Variants in ADGRL3 observed in about 807,000 individuals in gnomAD.
ADGRL3 encodes adhesion G protein-coupled receptor L3, also known as calcium-independent alpha-latrotoxin receptor 3.
A neutral mutation model predicts 153.5 loss-of-function variants in ADGRL3; 62 were observed. The observed-to-expected ratio is 0.40, with a 90% CI of 0.33 to 0.50. The LOEUF (loss-of-function observed/expected upper bound fraction) is 0.50, where lower values mean the gene tolerates loss of function less well. ADGRL3 is among the 20% of genes least tolerant of loss of function. ADGRL3 has a pLI of 0.47. For missense variants in ADGRL3, 1,641 were observed against 1,859.4 expected, an observed-to-expected ratio of 0.88 and a Z score of 2.16; for synonymous variants, 710 against 672.5, an observed-to-expected ratio of 1.06 and a Z score of -0.86.
chr4:61,654,998 TTATC>T (rs1230492516), intron 5 of ADGRL3, among the ~76,000 whole-genome samples: 1 of 152,192 alleles, frequency 6.6e-6, no homozygotes, highest in Non-Finnish European at 1.5e-5. Context: ...GAGGAAATAA[TTATC>T]TAAGACTTAT....
chr4:61,447,135 A>C (rs1199968793), intron 2 of ADGRL3, among the ~76,000 whole-genome samples: 1 of 152,066 alleles, frequency 6.6e-6, no homozygotes, highest in East Asian at 1.9e-4. Context: ...CTGTTTTCTA[A>C]TCTTCTCATA....
intron 2 of ADGRL3, among the ~76,000 whole-genome samples, chr4:61,392,708 A>AAAAAAAAAAAAAAAAAAAAAAAAGT (rs1560565678): frequency 1.1e-5 from 1 of 92,740 alleles, no homozygotes; most frequent in Non-Finnish European, 2.4e-5. Context: ...AAAAAAAAAG[A>AAAAAAAAAAAAAAAAAAAAAAAAGT]AAAAGGAAAA....
At chr4:61,548,970 G>A (rs1300598722) in intron 4 of ADGRL3, among the ~76,000 whole-genome samples, 2 of 151,898 alleles carry the variant, frequency 1.3e-5, no homozygotes, top group Non-Finnish European at 2.9e-5. Flanking sequence ...TATCGATGAG[G>A]ATGGAGTGTT....
intron 6 of ADGRL3, among the ~76,000 whole-genome samples, chr4:61,700,014 A>G (rs138347048): frequency 6.6e-6 from 1 of 152,038 alleles, no homozygotes; most frequent in Non-Finnish European, 1.5e-5. Context: ...TATGTATGTC[A>G]TGTGGGCTCT....
At chr4:61,811,176 T>C (rs1201032817) in intron 8 of ADGRL3, among the ~76,000 whole-genome samples, 1 of 152,072 alleles carries the variant, frequency 6.6e-6, no homozygotes, top group Non-Finnish European at 1.5e-5. Context: ...AATTTGTACA[T>C]AGAGGCTCAA....
chr4:61,540,932 T>A (rs2098686948), intron 4 of ADGRL3, among the ~76,000 whole-genome samples: 1 of 152,072 alleles, frequency 6.6e-6, no homozygotes, highest in African/African-American at 2.4e-5. Flanking sequence ...AAATTTGATA[T>A]AGAACATATT....
chr4:61,867,665 C>G (rs2098411028), intron 9 of ADGRL3, among the ~76,000 whole-genome samples: 1 of 150,964 alleles, frequency 6.6e-6, no homozygotes, highest in Non-Finnish European at 1.5e-5. Context: ...GACACAAGAG[C>G]CTTCAGAAAT....
At chr4:61,246,147 C>A (rs1756993958) in intron 1 of ADGRL3, among the ~76,000 whole-genome samples, 1 of 152,004 alleles carries the variant, frequency 6.6e-6, no homozygotes, top group East Asian at 1.9e-4. Context: ...AGCCACTTGC[C>A]AGCTGTTGAG....
chr4:61,804,232 C>T (rs541979924), intron 8 of ADGRL3, among the ~76,000 whole-genome samples: 1 of 152,194 alleles, frequency 6.6e-6, no homozygotes, highest in South Asian at 2.1e-4. Flanking sequence ...TTTTGTAAGC[C>T]TTGCAATACC....
intron 2 of ADGRL3, among the ~76,000 whole-genome samples, chr4:61,446,420 G>A (rs1026906071): frequency 3.9e-5 from 6 of 152,154 alleles, no homozygotes; most frequent in Non-Finnish European, 5.9e-5. Context: ...ATGAATTGAT[G>A]TCTTATTTGA....
chr4:61,536,451 A>G (rs2098656862), intron 4 of ADGRL3, among the ~76,000 whole-genome samples: 1 of 151,962 alleles, frequency 6.6e-6, no homozygotes, highest in African/African-American at 2.4e-5. Context: ...CTGCGTTGAT[A>G]ATCTATCTAC....
At chr4:61,648,221 C>CT (rs1417668988) in intron 5 of ADGRL3, among the ~76,000 whole-genome samples, 2 of 151,780 alleles carry the variant, frequency 1.3e-5, no homozygotes, top group South Asian at 2.1e-4. Context: ...CTATTTGACT[C>CT]TAAGTATTCC....
At chr4:61,760,622 C>T (rs918503289) in intron 8 of ADGRL3, among the ~76,000 whole-genome samples, 6 of 152,164 alleles carry the variant, frequency 3.9e-5, no homozygotes, top group African/African-American at 7.2e-5. Context: ...GGCGATGCCT[C>T]GCCCTGCTTC....
At chr4:61,388,561 C>T in intron 2 of ADGRL3, among the ~76,000 whole-genome samples, 1 of 152,224 alleles carries the variant, frequency 6.6e-6, no homozygotes, top group East Asian at 1.9e-4. Context: ...ACACATCCAT[C>T]AGCATATTCT....
chr4:61,439,698 T>C (rs531793708), intron 2 of ADGRL3, among the ~76,000 whole-genome samples: 24 of 152,276 alleles, frequency 1.6e-4, no homozygotes, highest in Non-Finnish European at 3.2e-4. Flanking sequence ...AGTGAGAATA[T>C]GCAGTATTTG....
chr4:61,436,407 G>T (rs534067308), intron 2 of ADGRL3, among the ~76,000 whole-genome samples: 1 of 152,214 alleles, frequency 6.6e-6, no homozygotes, highest in East Asian at 1.9e-4. Flanking sequence ...CATGCATATG[G>T]ATTTATACCA....
At chr4:61,697,209 C>A (rs1474586411) in intron 6 of ADGRL3, among the ~76,000 whole-genome samples, 1 of 151,688 alleles carries the variant, frequency 6.6e-6, no homozygotes, top group African/African-American at 2.4e-5. Flanking sequence ...GGGTAAAATC[C>A]AAAAATATGA....
chr4:61,794,515 G>A (rs1288100456), intron 8 of ADGRL3, among the ~76,000 whole-genome samples: 1 of 152,070 alleles, frequency 6.6e-6, no homozygotes, highest in Non-Finnish European at 1.5e-5. Context: ...GTTAAATAAT[G>A]AGTGATATTT....
intron 17 of ADGRL3, among the ~76,000 whole-genome samples, chr4:61,976,430 G>C (rs1291240517): frequency 6.6e-6 from 1 of 152,116 alleles, no homozygotes; most frequent in Non-Finnish European, 1.5e-5. Context: ...CACTTGATAT[G>C]GTTTGGCTGT....
Sources: allele counts gnomAD v4.1 joint callset (sites outside exome capture counted in the v4.1 genomes callset), GRCh38; gene constraint gnomAD v4.1.1; transcripts MANE v1.5; gene names NCBI Gene and HGNC (gene_info 2026-07-23, HGNC 2026-07-21).